The following KCNMB2 variants were observed in gnomAD, a reference collection of about 807,000 sequenced individuals.
KCNMB2 encodes the protein potassium calcium-activated channel subfamily M regulatory beta subunit 2.
A neutral mutation model predicts 24.5 loss-of-function variants in KCNMB2; 9 were observed. That is an observed-to-expected ratio of 0.37 (90% CI 0.22 to 0.64). The LOEUF (loss-of-function observed/expected upper bound fraction) is 0.64, where lower values mean the gene tolerates loss of function less well. Among genes scored for constraint, KCNMB2 ranks in the 30% least tolerant of loss-of-function variants. The pLI is 0.63. For synonymous variants in KCNMB2, 109 were observed against 104.4 expected, an observed-to-expected ratio of 1.04 and a Z score of -0.27; for missense variants, 226 against 284.3, an observed-to-expected ratio of 0.79 and a Z score of 1.47.
chr3:178,658,951 T>C (rs1720435145), intron 1 of KCNMB2, among the ~76,000 whole-genome samples: 1 of 152,178 alleles, frequency 6.6e-6, no homozygotes, highest in Non-Finnish European at 1.5e-5. Context: ...CCCATCAGAT[T>C]ATTAAGAATA....
chr3:178,564,959 A>G (rs1413452168), intron 1 of KCNMB2, among the ~76,000 whole-genome samples: 3 of 152,214 alleles, frequency 2.0e-5, no homozygotes, highest in Admixed American at 6.5e-5. Context: ...ATATTCTAGA[A>G]TACTTTGAAG....
intron 2 of KCNMB2, 60 bp from the exon 3 acceptor site, chr3:178,825,528 T>G: frequency 6.9e-7 from 1 of 1,455,592 alleles, no homozygotes; most frequent in Non-Finnish European, 9.5e-7. Context: ...ACTGACCTGC[T>G]CTCTAGGGGC....
intron 1 of KCNMB2, among the ~76,000 whole-genome samples, chr3:178,799,119 C>T (rs1456292627): frequency 1.3e-5 from 2 of 152,136 alleles, no homozygotes; most frequent in East Asian, 1.9e-4. Flanking sequence ...ATATCTGGAA[C>T]ACACCAAGGA....
At chr3:178,565,864 T>C (rs1306856700) in intron 1 of KCNMB2, among the ~76,000 whole-genome samples, 1 of 152,182 alleles carries the variant, frequency 6.6e-6, no homozygotes, top group African/African-American at 2.4e-5. Flanking sequence ...CAATATTTAA[T>C]AACACTGATT....
intron 1 of KCNMB2, among the ~76,000 whole-genome samples, chr3:178,552,170 G>A (rs533053078): frequency 1.3e-5 from 2 of 152,164 alleles, no homozygotes; most frequent in African/African-American, 4.8e-5. Flanking sequence ...CCATCCAGAC[G>A]CTGACCAAGG....
chr3:178,557,235 G>A (rs912878365), intron 1 of KCNMB2, among the ~76,000 whole-genome samples: 2 of 152,166 alleles, frequency 1.3e-5, no homozygotes, highest in African/African-American at 2.4e-5. Context: ...CTAGGTATGA[G>A]AGTCACTTAC....
At chr3:178,655,411 A>T (rs927329757) in intron 1 of KCNMB2, among the ~76,000 whole-genome samples, 1 of 152,126 alleles carries the variant, frequency 6.6e-6, no homozygotes, top group African/African-American at 2.4e-5. Context: ...TACCTATAAG[A>T]AGTAGATAAA....
Position 178,635,748 on chromosome 3 carries a change from G to T in KCNMB2, c.-68+99037G>T, listed in dbSNP as rs115301842. 7.2e-3 allele frequency among the ~76,000 whole-genome samples: 1,089 copies of T among 152,224 alleles called. 13 individuals carry two copies. Among genetic ancestry groups the T allele is most frequent in the African/African-American group, 0.025 (1,055 of 41,538 alleles). On this transcript the variant is annotated intron_variant, in intron 1 of 4. Coordinates refer to ENST00000452583, the MANE Select transcript of KCNMB2 (RefSeq NM_181361.3). The stretch of plus-strand genomic sequence containing the variant: ...TCACATACTAATCATTCACCACTGT[G>T]TCTATATGGTGACATTTAAGAATTT...
chr3:178,609,204 T>C (rs1718388032), intron 1 of KCNMB2, among the ~76,000 whole-genome samples: 1 of 152,210 alleles, frequency 6.6e-6, no homozygotes, highest in African/African-American at 2.4e-5. Flanking sequence ...TGACATGATA[T>C]GTCATTATAG....
rs140681915 is a variant in KCNMB2 at position 178,698,939 on chromosome 3, G to A, written c.-67-108404G>A. 2.6e-4 allele frequency among the ~76,000 whole-genome samples: 40 copies of A among 152,282 alleles called. No individual in the cohort carries two copies. In the East Asian group the frequency reaches 3.3e-3, roughly 12 times the overall value. ...CTCCAACTCTGGGGGACTCATATTCGGCCCCAACTTTATTATCTGGCTCTT... is the reference window on the plus strand; with the variant it reads ...CTCCAACTCTGGGGGACTCATATTCAGCCCCAACTTTATTATCTGGCTCTT... On this transcript the variant is annotated intron_variant, in intron 1 of 4. Transcript: ENST00000452583.
At chr3:178,635,408 T>TACAC (rs58294929) in intron 1 of KCNMB2, among the ~76,000 whole-genome samples, 3,301 of 144,942 alleles carry the variant, frequency 0.023, 52 homozygotes, top group Admixed American at 0.057. Flanking sequence ...TGCTTATGCA[T>TACAC]ACACACACAC....
chr3:178,641,697 A>G (rs975772269), intron 1 of KCNMB2, among the ~76,000 whole-genome samples: 1 of 152,070 alleles, frequency 6.6e-6, no homozygotes, highest in East Asian at 1.9e-4. Context: ...GACTTTTGGT[A>G]CAATGTTGAA....
At chr3:178,827,300 G>C (rs1489188384) in intron 3 of KCNMB2, among the ~76,000 whole-genome samples, 1 of 152,078 alleles carries the variant, frequency 6.6e-6, no homozygotes, top group East Asian at 1.9e-4. Context: ...GAGATAACAG[G>C]GCACCCTTAT....
At chr3:178,681,229 A>T (rs1721260534) in intron 1 of KCNMB2, among the ~76,000 whole-genome samples, 1 of 151,442 alleles carries the variant, frequency 6.6e-6, no homozygotes, top group South Asian at 2.1e-4. Context: ...AATTAGAGTC[A>T]CTGAAACCTG....
At chr3:178,571,300 A>T (rs1402563612) in intron 1 of KCNMB2, among the ~76,000 whole-genome samples, 3 of 150,882 alleles carry the variant, frequency 2.0e-5, no homozygotes, top group Non-Finnish European at 4.4e-5. Context: ...ACCACAAGTG[A>T]CTCTGTTTTG....
intron 1 of KCNMB2, among the ~76,000 whole-genome samples, chr3:178,713,517 TCTAGAAAC>T (rs1722519683): frequency 6.6e-6 from 1 of 152,150 alleles, no homozygotes; most frequent in Non-Finnish European, 1.5e-5. Context: ...GTCCAACAAA[TCTAGAAAC>T]CAAACACAGA....
At chr3:178,745,230 G>C (rs192426319) in intron 1 of KCNMB2, among the ~76,000 whole-genome samples, 12 of 152,292 alleles carry the variant, frequency 7.9e-5, no homozygotes, top group African/African-American at 2.9e-4. Flanking sequence ...TGGACTTACA[G>C]TTCCACGTGG....
intron 1 of KCNMB2, among the ~76,000 whole-genome samples, chr3:178,705,164 C>A (rs1485304800): frequency 6.6e-6 from 1 of 152,086 alleles, no homozygotes; most frequent in African/African-American, 2.4e-5. Context: ...GGAACCTGCC[C>A]ACCCACTACA....
chr3:178,783,464 T>A (rs1439053555), intron 1 of KCNMB2, among the ~76,000 whole-genome samples: 2 of 151,308 alleles, frequency 1.3e-5, no homozygotes, highest in Non-Finnish European at 2.9e-5. Context: ...CTCTTTTATT[T>A]CCTTGAGCAG....
Sources: allele counts gnomAD v4.1 joint callset (sites outside exome capture counted in the v4.1 genomes callset), GRCh38; gene constraint gnomAD v4.1.1; transcripts MANE v1.5; gene names NCBI Gene and HGNC (gene_info 2026-07-23, HGNC 2026-07-21).